Variants in CPPED1 observed in about 807,000 individuals in gnomAD.
CPPED1 encodes serine/threonine-protein phosphatase CPPED1.
A neutral mutation model predicts 28.0 loss-of-function variants in CPPED1; 28 were observed. The observed-to-expected ratio is 1.00, with a 90% CI of 0.74 to 1.37. The LOEUF (loss-of-function observed/expected upper bound fraction) is 1.37. CPPED1 is among the 40% of genes most tolerant of loss of function. The pLI is 0.00. For missense variants in CPPED1, 504 were observed against 416.5 expected (o/e 1.21, Z -1.83); for synonymous variants, 198 against 180.2 (o/e 1.10, Z -0.79).
Position 12,762,238 on chromosome 16 carries a change from A to G in CPPED1, c.289+18947T>C, listed in dbSNP as rs150173842. Among the ~76,000 whole-genome samples, 1,003 of 152,306 alleles carry G rather than the reference A, an allele frequency of 6.6e-3. 10 individuals carry two copies. Among genetic ancestry groups the G allele is most frequent in the African/African-American group, 0.022 (907 of 41,568 alleles). On this transcript the variant is annotated intron_variant, in intron 2 of 3. Coordinates refer to ENST00000381774, the MANE Select transcript of CPPED1 (RefSeq NM_018340.3). ...TAAAAATACTCTCTCATTTATTTTT[A>G]CTTCTTTGTCGGGGGAAGAGGGTAA...
intron 3 of CPPED1, among the ~76,000 whole-genome samples, chr16:12,691,458 A>G (rs1033693416): frequency 6.6e-6 from 1 of 152,156 alleles, no homozygotes; most frequent in African/African-American, 2.4e-5. Context: ...CCGTCCCATT[A>G]CTGGGTATAT....
Position 12,664,991 on chromosome 16 carries a change from G to C in CPPED1, c.840C>G (p.Val280=). 6.2e-7 allele frequency: 1 copy of C among 1,611,576 alleles called. No homozygotes were observed. Among genetic ancestry groups the C allele is most frequent in the Non-Finnish European group, 8.5e-7 (1 of 1,179,168 alleles). ...CAATTTTCTCGGCGGTGACCACCAC[G>C]ACTCGGAGCCCGTGGGGGTCTCTGC... ...QLGRDPHGLR[V]VVVTAEKIVH... is the part of the protein sequence containing the mutation. The change falls in exon 4 of 4, where the codon GTC becomes GTG. Residue 280 remains valine, a synonymous_variant. Coordinates refer to ENST00000381774, the MANE Select transcript of CPPED1 (RefSeq NM_018340.3). This position sits in a 1 kb window ranked among gnomAD's most constrained non-coding sequence, Gnocchi z 4.2.
rs532607602 is a variant in CPPED1, at chr16:12,771,114, A to C, written c.289+10071T>G. On this transcript the variant is annotated intron_variant, in intron 2 of 3. Transcript: ENST00000381774. ...TCTACCCTCATTTAAATCCTACAGGAGACTAGGATGACAACAACAAAAAAC... is the reference window on the plus strand; with the variant it reads ...TCTACCCTCATTTAAATCCTACAGGCGACTAGGATGACAACAACAAAAAAC... Among the ~76,000 whole-genome samples the C allele has an allele frequency of 1.6e-3, 251 of 152,338 alleles. 1 individual carries two copies. The highest frequency in any genetic ancestry group is 5.7e-3 in the African/African-American group (238 of 41,578).
At chr16:12,724,943 C>T (rs1044735452) in intron 2 of CPPED1, among the ~76,000 whole-genome samples, 16 of 152,088 alleles carry the variant, frequency 1.1e-4, no homozygotes, top group East Asian at 3.9e-4. Flanking sequence ...CCTGCCACCA[C>T]GCCCGGCTAA....
chr16:12,780,257 G>A (rs1293417512), intron 2 of CPPED1, among the ~76,000 whole-genome samples: 1 of 152,108 alleles, frequency 6.6e-6, no homozygotes, highest in Non-Finnish European at 1.5e-5. Flanking sequence ...TCAGCTCACT[G>A]CAACCTCCGC....
chr16:12,792,132 T>C (rs2080600332), intron 1 of CPPED1, among the ~76,000 whole-genome samples: 1 of 152,144 alleles, frequency 6.6e-6, no homozygotes. Context: ...TTTGTATTTT[T>C]AGTAGAGATG....
At chr16:12,667,999 T>C (rs1001496098) in intron 3 of CPPED1, among the ~76,000 whole-genome samples, 1 of 152,198 alleles carries the variant, frequency 6.6e-6, no homozygotes, top group East Asian at 1.9e-4. Context: ...AAAAACATTA[T>C]AAAGAAATGA....
intron 2 of CPPED1, among the ~76,000 whole-genome samples, chr16:12,718,203 C>T (rs547341864): frequency 2.0e-5 from 3 of 152,286 alleles, no homozygotes; most frequent in African/African-American, 4.8e-5. Flanking sequence ...AGCTTGGCCA[C>T]GTTTTTCTTG....
intron 3 of CPPED1, among the ~76,000 whole-genome samples, chr16:12,678,459 T>C (rs1185913138): frequency 6.6e-6 from 1 of 152,214 alleles, no homozygotes; most frequent in Non-Finnish European, 1.5e-5. Context: ...ATAATTTTGA[T>C]TGGGATTTTG....
At position 12,776,010 on chromosome 16, in the gene CPPED1, C is replaced by G. The variant is rs562577516; in HGVS notation, c.289+5175G>C. 2.0e-5 allele frequency among the ~76,000 whole-genome samples: 3 copies of G among 152,214 alleles called. No individual in the cohort carries two copies. In the South Asian group the frequency reaches 6.2e-4, roughly 32 times the overall value. On this transcript the variant is annotated intron_variant, in intron 2 of 3. Transcript: ENST00000381774. ...CTCCTGGAACTTACAAATATGCTAC[C>G]TTATATGGCAAAAGGGGAATCTGCA...
At position 12,683,141 on chromosome 16, in the gene CPPED1, G is replaced by A. The variant is rs114666860; in HGVS notation, c.716-18026C>T. 1.6e-3 allele frequency among the ~76,000 whole-genome samples: 239 copies of A among 152,318 alleles called. 1 individual carries two copies. The highest frequency in any genetic ancestry group is 5.5e-3 in the African/African-American group (227 of 41,576). Reference sequence around the variant, plus strand: ...TGAGCCAGGGAAAGCCAAGAAGGGGGTACTGCATCCATCAAAACGTAAGGA... The same window carrying A: ...TGAGCCAGGGAAAGCCAAGAAGGGGATACTGCATCCATCAAAACGTAAGGA... On this transcript the variant is annotated intron_variant, in intron 3 of 3. Transcript: ENST00000381774.
intron 1 of CPPED1, among the ~76,000 whole-genome samples, 181 bp downstream of exon 1, chr16:12,803,526 C>T (rs968835360): frequency 4.4e-4 from 67 of 152,224 alleles, no homozygotes; most frequent in African/African-American, 1.5e-3. Flanking sequence ...TCGGCCTCGC[C>T]TCTCAACTGC....
intron 2 of CPPED1, among the ~76,000 whole-genome samples, chr16:12,706,552 C>T (rs1456654640): frequency 1.1e-5 from 1 of 93,094 alleles, no homozygotes; most frequent in Non-Finnish European, 2.1e-5. Context: ...GTATAATTTT[C>T]ACCGAAAAAA....
chr16:12,759,163 TAAAAAAAAAAA>T (rs61373635), intron 2 of CPPED1: 1 of 74,364 alleles, frequency 1.3e-5, no homozygotes, highest in Non-Finnish European at 2.4e-5. Context: ...ACTCTGTCTC[TAAAAAAAAAAA>T]AAAAAAAAAA....
intron 1 of CPPED1, among the ~76,000 whole-genome samples, chr16:12,794,991 G>A (rs538584094): frequency 6.6e-6 from 1 of 152,322 alleles, no homozygotes; most frequent in Non-Finnish European, 1.5e-5. Flanking sequence ...GTTAAAGAGG[G>A]GAAAAGACAT....
At chr16:12,714,542 T>C (rs191534753) in intron 2 of CPPED1, among the ~76,000 whole-genome samples, 1 of 152,368 alleles carries the variant, frequency 6.6e-6, no homozygotes, top group Admixed American at 6.5e-5. Context: ...TGACTAATGA[T>C]GCTAAACATT....
At chr16:12,797,111 A>T (rs887429249) in intron 1 of CPPED1, among the ~76,000 whole-genome samples, 2 of 152,240 alleles carry the variant, frequency 1.3e-5, no homozygotes, top group Non-Finnish European at 2.9e-5. Flanking sequence ...AGAGACTTGC[A>T]AGTGGGTATA....
intron 3 of CPPED1, among the ~76,000 whole-genome samples, chr16:12,689,791 C>G (rs1179335951): frequency 6.6e-6 from 1 of 152,122 alleles, no homozygotes; most frequent in African/African-American, 2.4e-5. Context: ...CAGAAACAGA[C>G]TCTTATGAAG....
At chr16:12,773,433 T>C (rs2080480809) in intron 2 of CPPED1, among the ~76,000 whole-genome samples, 1 of 152,162 alleles carries the variant, frequency 6.6e-6, no homozygotes, top group Non-Finnish European at 1.5e-5. Context: ...CATTAAAAAG[T>C]GGCCCCGACT....
Sources: allele counts gnomAD v4.1 joint callset (sites outside exome capture counted in the v4.1 genomes callset), GRCh38; gene constraint gnomAD v4.1.1; non-coding constraint Gnocchi (gnomAD v3.1); transcripts MANE v1.5; gene names NCBI Gene and HGNC (gene_info 2026-07-23, HGNC 2026-07-21).